The following ARMC9 variants were observed in gnomAD, a reference collection of about 807,000 sequenced individuals.
ARMC9 encodes lisH domain-containing protein ARMC9.
A neutral mutation model predicts 107.0 loss-of-function variants in ARMC9; 94 were observed. The observed-to-expected ratio is 0.88, with a 90% CI of 0.74 to 1.04. The LOEUF is 1.04. Among genes scored for constraint, ARMC9 ranks in the 50% least tolerant of loss-of-function variants. The pLI, the probability that ARMC9 is intolerant of heterozygous loss-of-function variation, is 0.00. For synonymous variants in ARMC9, 380 were observed against 396.9 expected (o/e 0.96, Z 0.51); for missense variants, 942 against 1,030.1 (o/e 0.91, Z 1.17).
intron 16 of ARMC9, among the ~76,000 whole-genome samples, chr2:231,281,055 T>C (rs1205115699): frequency 6.6e-6 from 1 of 152,182 alleles, no homozygotes; most frequent in Non-Finnish European, 1.5e-5. Flanking sequence ...AAAGGGAACT[T>C]GCTTATCAGC....
chr2:231,212,425 C>T (rs889683103), intron 3 of ARMC9, among the ~76,000 whole-genome samples: 4 of 152,184 alleles, frequency 2.6e-5, no homozygotes, highest in South Asian at 2.1e-4. Context: ...AAATATAGAC[C>T]TTAGAACAAA....
chr2:231,267,129 T>C (rs1002189614), intron 12 of ARMC9, among the ~76,000 whole-genome samples: 1 of 152,206 alleles, frequency 6.6e-6, no homozygotes, highest in East Asian at 1.9e-4. Flanking sequence ...TGATCCCCTC[T>C]GGGGACATTG....
intron 23 of ARMC9, among the ~76,000 whole-genome samples, chr2:231,365,961 C>G (rs1418480438): frequency 6.6e-6 from 1 of 152,108 alleles, no homozygotes; most frequent in African/African-American, 2.4e-5. Context: ...CAGAGGGAGC[C>G]CCGGTCTGAG....
intron 1 of ARMC9, among the ~76,000 whole-genome samples, chr2:231,205,338 C>T (rs2031807694): frequency 6.6e-6 from 1 of 152,160 alleles, no homozygotes; most frequent in South Asian, 2.1e-4. Flanking sequence ...CCATTGCACT[C>T]CATCCTGGGC....
At chr2:231,223,605 GGC>G (rs1315619753) in intron 6 of ARMC9, among the ~76,000 whole-genome samples, 2 of 152,114 alleles carry the variant, frequency 1.3e-5, no homozygotes, top group African/African-American at 4.8e-5. Flanking sequence ...GAAAAATTTA[GGC>G]TACTTTGCTG....
intron 20 of ARMC9, among the ~76,000 whole-genome samples, chr2:231,339,145 T>C (rs1309362589): frequency 6.6e-6 from 1 of 151,882 alleles, no homozygotes; most frequent in Non-Finnish European, 1.5e-5. Context: ...CTGGCCAACA[T>C]GGTGAAACTC....
intron 20 of ARMC9, among the ~76,000 whole-genome samples, chr2:231,339,889 C>T (rs1226387708): frequency 6.6e-6 from 1 of 152,214 alleles, no homozygotes; most frequent in African/African-American, 2.4e-5. Flanking sequence ...GCCAAAATCA[C>T]GACATTGCAC....
At chr2:231,256,132 C>G (rs2037774669) in intron 9 of ARMC9, 1 of 1,547,700 alleles carries the variant, frequency 6.5e-7, no homozygotes. Flanking sequence ...TCAAGCTGGC[C>G]AGGGTCACCA....
chr2:231,259,657 G>A (rs749234396), intron 11 of ARMC9, among the ~76,000 whole-genome samples: 5 of 152,110 alleles, frequency 3.3e-5, no homozygotes, highest in African/African-American at 7.2e-5. Flanking sequence ...TTTCATTTAC[G>A]TGAATTCTAC....
chr2:231,270,490 G>A, intron 12 of ARMC9: 1 of 386,170 alleles, frequency 2.6e-6, no homozygotes, highest in South Asian at 2.0e-5. Context: ...GCTGCCTTGA[G>A]ATTTGGCCTT....
In ARMC9 at chr2:231,355,886, T is replaced by C; in HGVS notation, c.2083T>C (p.Tyr695His). Residue 695 changes from tyrosine to histidine, a missense_variant, in exon 22 of 25, where the codon TAC (tyrosine) becomes CAC (histidine). Tyr to His is a moderately conservative substitution (Grantham distance 83). Coordinates refer to ENST00000611582, the MANE Select transcript of ARMC9 (RefSeq NM_001352754.2). Reference protein sequence around the residue: ...QALPAAHEAVYREGKPSTPES... With the variant: ...QALPAAHEAVHREGKPSTPES... ...CCTGCCAGCCGCTCACGAGGCTGTC[T>C]ACAGGGAGGGCAAGCCCAGCACCCC... is the stretch of plus-strand genomic sequence containing the variant. 1 of 1,536,080 alleles carries C rather than the reference T, an allele frequency of 6.5e-7. No homozygotes were observed. Among genetic ancestry groups the C allele is most frequent in the Non-Finnish European group, 8.7e-7 (1 of 1,146,902 alleles).
chr2:231,370,200 A>G (rs1331200127), intron 24 of ARMC9, 75 bp downstream of exon 24: 3 of 1,418,138 alleles, frequency 2.1e-6, no homozygotes, highest in Non-Finnish European at 2.8e-6. Flanking sequence ...TTTTGCTGCT[A>G]TATTTGGCCC....
At chr2:231,257,690 G>A (rs775326328) in intron 10 of ARMC9, among the ~76,000 whole-genome samples, 2 of 152,106 alleles carry the variant, frequency 1.3e-5, no homozygotes, top group Non-Finnish European at 2.9e-5. Flanking sequence ...ACAAAATGAG[G>A]AGAATCATAG....
chr2:231,239,273 C>T (rs1363527183), intron 8 of ARMC9, among the ~76,000 whole-genome samples: 1 of 152,130 alleles, frequency 6.6e-6, no homozygotes, highest in Non-Finnish European at 1.5e-5. Flanking sequence ...TGTTGTATGT[C>T]AATCCTGAAT....
At position 231,256,346 on chromosome 2, in the gene ARMC9, A is replaced by G. The variant is rs1214231285; in HGVS notation, c.880-240A>G. Reference sequence around the variant, plus strand: ...TGGGTCTTGGATGTCGGGTTCGACCACTTGGCCGATGGGAATGGTCTGTCA... The same window carrying G: ...TGGGTCTTGGATGTCGGGTTCGACCGCTTGGCCGATGGGAATGGTCTGTCA... On this transcript the variant is annotated intron_variant, in intron 9 of 24. Coordinates refer to ENST00000611582, the MANE Select transcript of ARMC9 (RefSeq NM_001352754.2). 3 of 1,501,284 alleles carry G rather than the reference A, an allele frequency of 2.0e-6. No individual in the cohort carries two copies. In the Admixed American group the frequency reaches 5.9e-5, roughly 30 times the overall value. 93.0% of individuals were successfully genotyped at this position (1,501,284 alleles called of 1,614,324 possible). A position where few individuals can be genotyped will look rare whatever the true frequency, so the allele number is the denominator to read the frequency against.
intron 5 of ARMC9, among the ~76,000 whole-genome samples, chr2:231,220,594 C>T (rs1461706212): frequency 8.3e-6 from 1 of 121,072 alleles, no homozygotes; most frequent in East Asian, 2.4e-4. Context: ...GAGACTCCAT[C>T]TCAAAAAAAA....
intron 9 of ARMC9, among the ~76,000 whole-genome samples, chr2:231,244,044 C>T (rs574809014): frequency 5.9e-5 from 9 of 152,250 alleles, no homozygotes; most frequent in African/African-American, 1.7e-4. Flanking sequence ...TGGGTCAGCT[C>T]GCCGTCAGGT....
At chr2:231,370,768 C>G (rs1218480913) in intron 24 of ARMC9, 1 of 226,306 alleles carries the variant, frequency 4.4e-6, no homozygotes, top group African/African-American at 2.3e-5. Flanking sequence ...AATTGATAGC[C>G]CCTCCACCTC....
intron 23 of ARMC9, among the ~76,000 whole-genome samples, chr2:231,369,180 G>A (rs528243540): frequency 1.2e-4 from 18 of 152,338 alleles, no homozygotes; most frequent in Admixed American, 5.2e-4. Flanking sequence ...TCTGGAGAGC[G>A]GTGGGGCTGG....
Sources: gnomAD v4.1 joint callset for allele counts (sites outside exome capture counted in the v4.1 genomes callset) on GRCh38, gnomAD v4.1.1 for gene constraint, MANE v1.5 for transcripts, NCBI Gene and HGNC (gene_info 2026-07-23, HGNC 2026-07-21) for gene names.